Variants in SLC2A13 observed in about 807,000 individuals in gnomAD.
SLC2A13 encodes the protein proton myo-inositol cotransporter.
Under a neutral mutation model 64.4 loss-of-function variants are expected in SLC2A13, and 32 were observed. The observed-to-expected ratio is 0.50, with a 90% CI of 0.37 to 0.67. The LOEUF is 0.67. Among genes scored for constraint, SLC2A13 ranks in the 30% least tolerant of loss-of-function variants. The probability of loss-of-function intolerance (pLI) is 0.00; values close to 1 mark genes in which losing one functional copy is unlikely to be tolerated. For missense variants in SLC2A13, 743 were observed against 829.2 expected (o/e 0.90, Z 1.28); for synonymous variants, 338 against 327.1 (o/e 1.03, Z -0.36).
intron 3 of SLC2A13, among the ~76,000 whole-genome samples, chr12:39,977,307 C>A (rs868552278): frequency 1.3e-5 from 2 of 152,180 alleles, no homozygotes; most frequent in Non-Finnish European, 2.9e-5. Context: ...TAACCCCAAA[C>A]CCCTCAAAGT....
At chr12:40,072,055 A>G (rs911658588) in intron 1 of SLC2A13, among the ~76,000 whole-genome samples, 6 of 152,052 alleles carry the variant, frequency 3.9e-5, no homozygotes, top group African/African-American at 1.4e-4. Context: ...TACATCAAAT[A>G]CTATAAATTT....
chr12:39,919,241 T>C (rs1000051362), intron 4 of SLC2A13, among the ~76,000 whole-genome samples: 1 of 152,114 alleles, frequency 6.6e-6, no homozygotes, highest in Non-Finnish European at 1.5e-5. Context: ...TTATAAATAT[T>C]GTAGCATGAA....
chr12:40,072,750 G>A (rs944717343), intron 1 of SLC2A13, among the ~76,000 whole-genome samples: 2 of 151,958 alleles, frequency 1.3e-5, no homozygotes, highest in African/African-American at 4.8e-5. Flanking sequence ...TAATCCATGT[G>A]TATTTATATT....
intron 6 of SLC2A13, among the ~76,000 whole-genome samples, chr12:39,856,438 G>C (rs1008358164): frequency 6.6e-6 from 1 of 152,090 alleles, no homozygotes; most frequent in Admixed American, 6.5e-5. Flanking sequence ...GCGTGATCTC[G>C]GCTCACTGTA....
At chr12:39,861,444 T>G (rs1009110941) in intron 6 of SLC2A13, among the ~76,000 whole-genome samples, 3 of 152,190 alleles carry the variant, frequency 2.0e-5, no homozygotes, top group Non-Finnish European at 4.4e-5. Flanking sequence ...CTTTAGGAAA[T>G]ATCTGTCTAC....
At chr12:40,022,597 G>A (rs1026776169) in intron 3 of SLC2A13, among the ~76,000 whole-genome samples, 1 of 152,154 alleles carries the variant, frequency 6.6e-6, no homozygotes, top group African/African-American at 2.4e-5. Context: ...AGCACTTTGG[G>A]AGGCCAAGGC....
intron 3 of SLC2A13, among the ~76,000 whole-genome samples, chr12:39,968,763 TATATATATATATATATATATATATATATA>T (rs1946582245): frequency 9.2e-5 from 10 of 108,852 alleles, no homozygotes; most frequent in Middle Eastern, 4.6e-3. Flanking sequence ...TTTTTTGGTA[TATATATATATATATATATATATATATATA>T]TATATATATA....
At position 39,805,202 on chromosome 12, in the gene SLC2A13, G is replaced by A. The variant is rs143672057; in HGVS notation, c.1445+24901C>T. 6.4e-3 allele frequency among the ~76,000 whole-genome samples: 975 copies of A among 152,284 alleles called. 15 individuals are homozygous for A. The highest frequency in any genetic ancestry group is 0.022 in the African/African-American group (922 of 41,562). On this transcript the variant is annotated intron_variant, in intron 7 of 9. Coordinates refer to ENST00000280871, the MANE Select transcript of SLC2A13 (RefSeq NM_052885.4). The stretch of plus-strand genomic sequence containing the variant: ...CAGAATGTGTAGGACTCTGCAGGGC[G>A]TGGTTTTTATTCTAAATGATGTGAG...
intron 5 of SLC2A13, among the ~76,000 whole-genome samples, chr12:39,870,665 C>A (rs2135938238): frequency 6.6e-6 from 1 of 152,248 alleles, no homozygotes; most frequent in Middle Eastern, 3.4e-3. Flanking sequence ...CAGTATATAT[C>A]CTGGCTGTTG....
At chr12:39,847,477 G>T (rs185298854) in intron 6 of SLC2A13, among the ~76,000 whole-genome samples, 149 of 152,206 alleles carry the variant, frequency 9.8e-4, no homozygotes, top group Non-Finnish European at 1.6e-3. Context: ...ACTTCAAAGG[G>T]AGCTGATTCA....
At chr12:39,911,039 G>A (rs528885044) in intron 4 of SLC2A13, among the ~76,000 whole-genome samples, 5 of 152,122 alleles carry the variant, frequency 3.3e-5, no homozygotes, top group South Asian at 4.1e-4. Flanking sequence ...AGCCAAGATC[G>A]TGCCACTGCA....
intron 1 of SLC2A13, among the ~76,000 whole-genome samples, chr12:40,079,524 T>C (rs1200353816): frequency 6.6e-6 from 1 of 152,216 alleles, no homozygotes; most frequent in Non-Finnish European, 1.5e-5. Context: ...TATGGCCAAA[T>C]GTGTGGTCAA....
intron 2 of SLC2A13, among the ~76,000 whole-genome samples, chr12:40,031,271 G>A (rs1007953714): frequency 6.6e-5 from 10 of 152,050 alleles, no homozygotes; most frequent in Middle Eastern, 3.2e-3. Flanking sequence ...TGCCCAGGCC[G>A]GAGTGTAGTG....
chr12:39,911,716 T>C (rs1038612397), intron 4 of SLC2A13, among the ~76,000 whole-genome samples: 1 of 151,980 alleles, frequency 6.6e-6, no homozygotes, highest in African/African-American at 2.4e-5. Flanking sequence ...AGTTTCTGAG[T>C]ATCAAAGAAA....
At chr12:39,826,854 ATT>A (rs63699664) in intron 7 of SLC2A13, among the ~76,000 whole-genome samples, 5 of 67,386 alleles carry the variant, frequency 7.4e-5, no homozygotes, top group East Asian at 6.1e-4. Flanking sequence ...GTCTCTTTCA[ATT>A]TTTTTTTTTT....
Position 39,977,679 on chromosome 12 carries a change from G to A in SLC2A13, c.926-26314C>T, listed in dbSNP as rs28370736. Among the ~76,000 whole-genome samples the A allele has an allele frequency of 7.6e-3, 1,159 of 152,282 alleles. 8 individuals carry two copies. Among genetic ancestry groups the A allele is most frequent in the African/African-American group, 0.026 (1,073 of 41,558 alleles). On this transcript the variant is annotated intron_variant, in intron 3 of 9. Transcript: ENST00000280871. ...ATCTTCAGAGCCAGTGACACACTCC[G>A]AATATCCTCAGTGGTCACAAATCTT...
intron 1 of SLC2A13, among the ~76,000 whole-genome samples, chr12:40,094,714 A>G (rs1938880420): frequency 6.6e-6 from 1 of 152,234 alleles, no homozygotes; most frequent in South Asian, 2.1e-4. Context: ...TATGTAAAAT[A>G]AAGGAGACAA....
chr12:39,978,846 C>T (rs1946823604), intron 3 of SLC2A13, among the ~76,000 whole-genome samples: 1 of 151,700 alleles, frequency 6.6e-6, no homozygotes, highest in South Asian at 2.1e-4. Flanking sequence ...CTGCCTGCCT[C>T]TGTAGGCTCC....
intron 6 of SLC2A13, chr12:39,835,605 T>C (rs1309072701): frequency 6.6e-6 from 1 of 152,136 alleles, no homozygotes; most frequent in Non-Finnish European, 1.5e-5. Context: ...ATGGCCCTCA[T>C]TGTAACATAC....
Sources: allele counts gnomAD v4.1 joint callset (sites outside exome capture counted in the v4.1 genomes callset), GRCh38; gene constraint gnomAD v4.1.1; transcripts MANE v1.5; gene names NCBI Gene and HGNC (gene_info 2026-07-23, HGNC 2026-07-21).